ATP8B1: variants seen among roughly 807,000 people sequenced by gnomAD.
The protein encoded by ATP8B1 is phospholipid-transporting ATPase IC.
Under a neutral mutation model 149.9 loss-of-function variants are expected in ATP8B1, and 80 were observed. The ratio of observed to expected loss-of-function variants is 0.53; its 90% CI spans 0.45 to 0.64. ATP8B1 has a LOEUF of 0.64. Among genes scored for constraint, ATP8B1 ranks in the 30% least tolerant of loss-of-function variants. The probability of loss-of-function intolerance (pLI) is 0.00; values close to 1 mark genes in which losing one functional copy is unlikely to be tolerated. For missense variants in ATP8B1, 1,247 were observed against 1,552.6 expected (o/e 0.80, Z 3.31); for synonymous variants, 536 against 562.8 (o/e 0.95, Z 0.67).
At chr18:57,658,574 A>AT (rs1211751932) in intron 22 of ATP8B1, among the ~76,000 whole-genome samples, 2 of 150,988 alleles carry the variant, frequency 1.3e-5, no homozygotes, top group African/African-American at 4.9e-5. Context: ...TGCTCAGATT[A>AT]TTTTTTGACA....
chr18:57,728,321 A>G (rs2079728558), intron 2 of ATP8B1, among the ~76,000 whole-genome samples: 1 of 152,190 alleles, frequency 6.6e-6, no homozygotes, highest in Non-Finnish European at 1.5e-5. Flanking sequence ...TCTCTGAAGG[A>G]AATTATTCAG....
chr18:57,758,148 C>G (rs2080104000), intron 1 of ATP8B1, among the ~76,000 whole-genome samples: 1 of 152,110 alleles, frequency 6.6e-6, no homozygotes, highest in Admixed American at 6.6e-5. Flanking sequence ...CATGAGCCAC[C>G]AAGTCTGGCC....
chr18:57,697,096 A>C lies in ATP8B1; in HGVS notation c.698+522T>G, dbSNP rs538442984. ...GCTAACATGGTGAAACCCCATCTCT[A>C]CTAAAAATGCAAAAATTAGCTGGGT... On this transcript the variant is annotated intron_variant, in intron 8 of 27. Coordinates refer to ENST00000648908, the MANE Select transcript of ATP8B1 (RefSeq NM_001374385.1). Among the ~76,000 whole-genome samples the C allele has an allele frequency of 1.1e-3, 163 of 151,960 alleles. 2 individuals carry two copies. The highest frequency in any genetic ancestry group is 1.6e-3 in the Non-Finnish European group (111 of 67,968).
intron 1 of ATP8B1, among the ~76,000 whole-genome samples, chr18:57,767,992 T>G (rs2080228818): frequency 1.3e-5 from 2 of 152,178 alleles, no homozygotes. Flanking sequence ...GAGCTCTAAA[T>G]TGATTTTTAA....
At chr18:57,790,896 T>G (rs2080457986) in intron 1 of ATP8B1, among the ~76,000 whole-genome samples, 1 of 151,904 alleles carries the variant, frequency 6.6e-6, no homozygotes, top group Admixed American at 6.6e-5. Context: ...AATTTTTGTA[T>G]TTTTTAGTAG....
intron 1 of ATP8B1, among the ~76,000 whole-genome samples, chr18:57,780,160 G>A (rs2080345152): frequency 6.6e-6 from 1 of 152,154 alleles, no homozygotes; most frequent in African/African-American, 2.4e-5. Context: ...AAATGTAGAG[G>A]AATGTTTAAA....
chr18:57,712,935 C>G (rs760043843), intron 2 of ATP8B1, among the ~76,000 whole-genome samples: 4 of 151,828 alleles, frequency 2.6e-5, no homozygotes, highest in Non-Finnish European at 5.9e-5. Context: ...CCAGCTCTGG[C>G]AGGATCCATC....
intron 16 of ATP8B1, 125 bp from the exon 17 acceptor site, chr18:57,671,705 C>G: frequency 1.4e-6 from 1 of 693,910 alleles, no homozygotes; most frequent in Non-Finnish European, 2.6e-6. Context: ...TCACTGTAGC[C>G]TCGACCCCCC....
chr18:57,674,979 C>T lies in ATP8B1; in HGVS notation c.1674G>A (p.Leu558=). 6.2e-7 allele frequency: 1 copy of T among 1,614,218 alleles called. No homozygotes were observed. Among genetic ancestry groups the T allele is most frequent in the Non-Finnish European group, 8.5e-7 (1 of 1,180,040 alleles). ...YQAASPDEGA[L]VNAARNFGFA... is the part of the protein sequence containing the mutation. ...AGCCAAAGTTCCTGGCAGCGTTTAC[C>T]AGGGCACCTTCATCGGGAGAGGCTG... Residue 558 remains leucine, a synonymous_variant, in exon 16 of 28, where the codon CTG becomes CTA. Coordinates refer to ENST00000648908, the MANE Select transcript of ATP8B1 (RefSeq NM_001374385.1).
intron 1 of ATP8B1, among the ~76,000 whole-genome samples, chr18:57,756,305 A>ATATACATATATATG: frequency 9.4e-6 from 1 of 106,126 alleles, no homozygotes; most frequent in African/African-American, 4.2e-5. Flanking sequence ...GTGTATGTAT[A>ATATACATATATATG]TATATATATA....
At chr18:57,669,628 C>T (rs1334665351) in intron 17 of ATP8B1, 146 bp from the exon 18 acceptor site, 10 of 812,694 alleles carry the variant, frequency 1.2e-5, no homozygotes, top group African/African-American at 1.8e-5. Flanking sequence ...TGTACAAATA[C>T]ACTTTAGAGA....
chr18:57,729,469 T>C (rs932522280), intron 2 of ATP8B1, among the ~76,000 whole-genome samples: 22 of 152,150 alleles, frequency 1.4e-4, no homozygotes, highest in Non-Finnish European at 2.6e-4. Context: ...TTTAGCTAGT[T>C]CACCAATATC....
chr18:57,652,838 G>A (rs1909715580), intron 24 of ATP8B1, 109 bp from the exon 25 acceptor site: 18 of 1,417,032 alleles, frequency 1.3e-5, no homozygotes, highest in Non-Finnish European at 1.7e-5. Context: ...TAAATTTTAG[G>A]AAGGCAAAAA....
intron 1 of ATP8B1, among the ~76,000 whole-genome samples, chr18:57,768,031 T>C (rs182909278): frequency 2.0e-5 from 3 of 152,108 alleles, no homozygotes; most frequent in South Asian, 2.1e-4. Flanking sequence ...AGCAAGACAA[T>C]TAACAATTAT....
rs78301496 is a variant in ATP8B1 at position 57,793,991 on chromosome 18, A to G, written c.-26+9007T>C. 5.5e-3 allele frequency among the ~76,000 whole-genome samples: 832 copies of G among 152,308 alleles called. 10 individuals are homozygous for G. Among genetic ancestry groups the G allele is most frequent in the African/African-American group, 0.019 (797 of 41,560 alleles). On this transcript the variant is annotated intron_variant, in intron 1 of 27. Coordinates refer to ENST00000648908, the MANE Select transcript of ATP8B1 (RefSeq NM_001374385.1). ...TGATAACAAAAGTCTAAATGCTCTT[A>G]ATGCAGCTGAACTAGACAAATAAAG...
chr18:57,694,946 C>T (rs544294473), intron 10 of ATP8B1, among the ~76,000 whole-genome samples: 1 of 142,916 alleles, frequency 7.0e-6, no homozygotes, highest in African/African-American at 2.6e-5. Flanking sequence ...AGGAGAATCA[C>T]TTGAACCCAG....
rs762858737 is a variant in ATP8B1, at chr18:57,711,033, A to T, written c.182-4446T>A. Reference sequence around the variant, plus strand: ...AGTTTTTATCCTATAATAGCAAAACATTGGCACATGGTAATGCTTGGGATG... The same window carrying T: ...AGTTTTTATCCTATAATAGCAAAACTTTGGCACATGGTAATGCTTGGGATG... On this transcript the variant is annotated intron_variant, in intron 2 of 27. Transcript: ENST00000648908. Among the ~76,000 whole-genome samples the T allele has an allele frequency of 7.9e-5, 12 of 152,230 alleles. 1 individual carries two copies. Among genetic ancestry groups the T allele is most frequent in the Non-Finnish European group, 1.6e-4 (11 of 68,038 alleles).
intron 1 of ATP8B1, among the ~76,000 whole-genome samples, chr18:57,735,971 C>T (rs1353818760): frequency 3.5e-5 from 5 of 143,642 alleles, no homozygotes; most frequent in African/African-American, 1.0e-4. Flanking sequence ...TTCCTTGCCC[C>T]CCCCACCCCC....
chr18:57,647,196 A>C lies in ATP8B1; in HGVS notation c.*1292T>G, dbSNP rs949156798. 1.3e-5 allele frequency: 2 copies of C among 152,100 alleles called. No individual in the cohort carries two copies. The highest frequency in any genetic ancestry group is 2.9e-5 in the Non-Finnish European group (2 of 68,026). 9.4% of individuals were successfully genotyped at this position (152,100 alleles called of 1,614,324 possible). A position where few individuals can be genotyped will look rare whatever the true frequency, so the allele number is the denominator to read the frequency against. On this transcript the variant is annotated 3_prime_UTR_variant, in exon 28 of 28. Coordinates refer to ENST00000648908, the MANE Select transcript of ATP8B1 (RefSeq NM_001374385.1). ...TTACTGATATCCTCAGTTTTTAAAA[A>C]CCCCCTTTTTAAGCCCATAAATATT...
Sources: allele counts gnomAD v4.1 joint callset (sites outside exome capture counted in the v4.1 genomes callset), GRCh38; gene constraint gnomAD v4.1.1; transcripts MANE v1.5; gene names NCBI Gene and HGNC (gene_info 2026-07-23, HGNC 2026-07-21).